The following FANCC variants were observed in gnomAD, a reference collection of about 807,000 sequenced individuals.
FANCC encodes the protein FA complementation group C.
FANCC carries 55 observed loss-of-function variants against 71.3 expected under a neutral mutation model. The observed-to-expected ratio is 0.77, with a 90% confidence interval of 0.62 to 0.97. The LOEUF (loss-of-function observed/expected upper bound fraction) is 0.97, where lower values mean the gene tolerates loss of function less well. FANCC is among the 50% of genes least tolerant of loss of function. FANCC has a pLI of 0.00. For missense variants in FANCC, 678 were observed against 670.9 expected (o/e 1.01, Z -0.12); for synonymous variants, 275 against 244.9 (o/e 1.12, Z -1.15).
At chr9:95,293,933 T>C (rs1564835617) in intron 1 of FANCC, 2 of 1,590,638 alleles carry the variant, frequency 1.3e-6, no homozygotes, top group Admixed American at 1.7e-5. Flanking sequence ...ACAAGTAACA[T>C]TATAAGCAAC....
At chr9:95,134,043 C>T (rs1827280788) in intron 8 of FANCC, among the ~76,000 whole-genome samples, 1 of 152,152 alleles carries the variant, frequency 6.6e-6, no homozygotes, top group South Asian at 2.1e-4. Flanking sequence ...CTTCCTTTCT[C>T]TTCTATCGTG....
At chr9:95,249,032 A>G in intron 2 of FANCC, 95 bp downstream of exon 2, 1 of 1,359,080 alleles carries the variant, frequency 7.4e-7, no homozygotes, top group East Asian at 2.3e-5. Flanking sequence ...AGTCAATACC[A>G]CAAGTCCCGA....
intron 6 of FANCC, among the ~76,000 whole-genome samples, chr9:95,167,888 CTTG>C (rs1298930771): frequency 8.5e-5 from 13 of 152,058 alleles, no homozygotes; most frequent in African/African-American, 3.1e-4. Context: ...TACTTTGTGT[CTTG>C]TTATTTTTGT....
At chr9:95,238,707 AG>A (rs1251209529) in intron 4 of FANCC, among the ~76,000 whole-genome samples, 7 of 152,094 alleles carry the variant, frequency 4.6e-5, no homozygotes, top group Non-Finnish European at 4.4e-5. Flanking sequence ...CTGAGAGTAC[AG>A]GCACGTGCCA....
In FANCC at chr9:95,123,358, G is replaced by A. The variant is rs1041363562; in HGVS notation, c.996+1728C>T. 14 of 377,240 alleles carry A rather than the reference G, an allele frequency of 3.7e-5. No homozygotes were observed. In the East Asian group the frequency reaches 8.5e-4, roughly 23 times the overall value. The allele number at this position is 377,240 out of a possible 1,614,324, so 23.4% of individuals were successfully genotyped here. A position where few individuals can be genotyped will look rare whatever the true frequency, so the allele number is the denominator to read the frequency against. ...ATTGTTGCTTTAAAAAGCAGAAACA[G>A]GCTGGGTGTGGTGGCTCACACCTGT... On this transcript the variant is annotated intron_variant, in intron 10 of 14. Coordinates refer to ENST00000289081, the MANE Select transcript of FANCC (RefSeq NM_000136.3).
At chr9:95,124,479 T>C (rs542030859) in intron 10 of FANCC, among the ~76,000 whole-genome samples, 96 of 152,314 alleles carry the variant, frequency 6.3e-4, no homozygotes, top group Non-Finnish European at 1.2e-3. Flanking sequence ...GAGCACAATC[T>C]TCTGCAGGGT....
intron 1 of FANCC, among the ~76,000 whole-genome samples, chr9:95,254,928 G>A (rs1303072539): frequency 1.3e-5 from 2 of 152,126 alleles, no homozygotes; most frequent in Admixed American, 1.3e-4. Context: ...TTGAGAAGGC[G>A]GTTCTCCCCT....
At chr9:95,309,826 G>C (rs917462428) in intron 1 of FANCC, among the ~76,000 whole-genome samples, 4 of 152,126 alleles carry the variant, frequency 2.6e-5, no homozygotes, top group African/African-American at 7.2e-5. Flanking sequence ...CATGGATCCA[G>C]CATGACAGGT....
intron 7 of FANCC, among the ~76,000 whole-genome samples, chr9:95,138,749 G>A (rs1051309302): frequency 1.3e-5 from 2 of 152,202 alleles, no homozygotes; most frequent in Non-Finnish European, 1.5e-5. Context: ...CTCAGGCCAG[G>A]CCGCCAGGAG....
chr9:95,300,760 A>G (rs1447609517), intron 1 of FANCC, among the ~76,000 whole-genome samples: 1 of 152,130 alleles, frequency 6.6e-6, no homozygotes, highest in Non-Finnish European at 1.5e-5. Context: ...TACACCAAAT[A>G]TTACTGCTGA....
chr9:95,160,528 C>T (rs1183188495), intron 6 of FANCC, among the ~76,000 whole-genome samples: 2 of 152,076 alleles, frequency 1.3e-5, no homozygotes, highest in East Asian at 3.9e-4. Flanking sequence ...TTTGGTTCCA[C>T]ATGAACTTCA....
At chr9:95,110,777 A>T in intron 13 of FANCC, 1 of 1,106,582 alleles carries the variant, frequency 9.0e-7, no homozygotes, top group Non-Finnish European at 1.1e-6. Context: ...AACCTAGCAA[A>T]TCAATGCTTG....
intron 6 of FANCC, among the ~76,000 whole-genome samples, chr9:95,168,406 C>A (rs1392454882): frequency 6.6e-6 from 1 of 152,216 alleles, no homozygotes; most frequent in African/African-American, 2.4e-5. Context: ...TCCATGGCCC[C>A]AAGGCATCAA....
intron 11 of FANCC, among the ~76,000 whole-genome samples, chr9:95,116,099 G>C (rs1367261290): frequency 6.6e-6 from 1 of 152,224 alleles, no homozygotes; most frequent in East Asian, 1.9e-4. Flanking sequence ...TACACAAACG[G>C]AAAGGTAAAG....
At chr9:95,310,122 G>C (rs1835301462) in intron 1 of FANCC, among the ~76,000 whole-genome samples, 1 of 152,132 alleles carries the variant, frequency 6.6e-6, no homozygotes, top group African/African-American at 2.4e-5. Context: ...CAGCACTTTG[G>C]GAGACCCAGG....
intron 1 of FANCC, among the ~76,000 whole-genome samples, chr9:95,304,320 G>A (rs925334787): frequency 6.6e-6 from 1 of 152,086 alleles, no homozygotes; most frequent in Non-Finnish European, 1.5e-5. Context: ...ATTCCAGGGC[G>A]ACTGCAAAAA....
At chr9:95,161,498 G>A (rs942459325) in intron 6 of FANCC, among the ~76,000 whole-genome samples, 12 of 152,170 alleles carry the variant, frequency 7.9e-5, no homozygotes, top group African/African-American at 2.9e-4. Context: ...CTGCAAAGTG[G>A]TTGTGCCTAT....
At chr9:95,182,217 T>C (rs1219096899) in intron 4 of FANCC, among the ~76,000 whole-genome samples, 1 of 145,352 alleles carries the variant, frequency 6.9e-6, no homozygotes, top group Non-Finnish European at 1.5e-5. Flanking sequence ...ATACAAAATA[T>C]ACAAAAAAAA....
At chr9:95,148,931 ACTAT>A (rs1264039050) in intron 7 of FANCC, among the ~76,000 whole-genome samples, 1 of 152,204 alleles carries the variant, frequency 6.6e-6, no homozygotes, top group Non-Finnish European at 1.5e-5. Context: ...TTTCCCAATT[ACTAT>A]CTATGTGGGG....
Sources: allele counts gnomAD v4.1 joint callset (sites outside exome capture counted in the v4.1 genomes callset), GRCh38; gene constraint gnomAD v4.1.1; transcripts MANE v1.5; gene names NCBI Gene and HGNC (gene_info 2026-07-23, HGNC 2026-07-21).